STAC: variants seen among roughly 807,000 people sequenced by gnomAD.
STAC encodes the protein SH3 and cysteine-rich domain-containing protein.
Under a neutral mutation model 48.8 loss-of-function variants are expected in STAC, and 43 were observed. That is an observed-to-expected ratio of 0.88 (90% CI 0.69 to 1.14). The LOEUF (loss-of-function observed/expected upper bound fraction) is 1.14. STAC is among the 50% of genes most tolerant of loss of function. The probability of loss-of-function intolerance (pLI) is 0.00; values close to 1 mark genes in which losing one functional copy is unlikely to be tolerated. For synonymous variants in STAC, 193 were observed against 179.5 expected (o/e 1.07, Z -0.60); for missense variants, 497 against 504.0 (o/e 0.99, Z 0.13).
At chr3:36,441,228 C>A (rs1168773785) in intron 1 of STAC, among the ~76,000 whole-genome samples, 2 of 152,034 alleles carry the variant, frequency 1.3e-5, no homozygotes, top group African/African-American at 2.4e-5. Flanking sequence ...AGTAAAAAAT[C>A]TCTCCCTATC....
chr3:36,503,961 C>T (rs941868289), intron 6 of STAC, among the ~76,000 whole-genome samples: 5 of 152,016 alleles, frequency 3.3e-5, no homozygotes, highest in Admixed American at 6.6e-5. Context: ...ATCAAGATAC[C>T]GAATATAGAT....
Position 36,411,407 on chromosome 3 carries a change from C to T in STAC, c.111+30653C>T, listed in dbSNP as rs1039911025. On this transcript the variant is annotated intron_variant, in intron 1 of 10. Transcript: ENST00000273183. ...CTTTATCTGTATCTTCTGCCTCCTC[C>T]TCTCCCTCTCCTAGTCTGCTCCAGT... Among the ~76,000 whole-genome samples, 4 of 152,290 alleles carry T rather than the reference C, an allele frequency of 2.6e-5. No individual in the cohort carries two copies. In the South Asian group the frequency reaches 8.3e-4, roughly 32 times the overall value.
At chr3:36,392,360 G>C (rs1461221043) in intron 1 of STAC, among the ~76,000 whole-genome samples, 1 of 151,536 alleles carries the variant, frequency 6.6e-6, no homozygotes, top group African/African-American at 2.4e-5. Context: ...CTTTTTTTGA[G>C]ACAGGGTCTT....
intron 1 of STAC, among the ~76,000 whole-genome samples, chr3:36,434,919 G>A (rs1228754232): frequency 1.3e-5 from 2 of 152,136 alleles, no homozygotes; most frequent in Non-Finnish European, 2.9e-5. Context: ...GCAGGCACCA[G>A]AAAACAAAAC....
At chr3:36,474,028 G>A (rs1697420900) in intron 2 of STAC, among the ~76,000 whole-genome samples, 1 of 152,292 alleles carries the variant, frequency 6.6e-6, no homozygotes, top group Admixed American at 6.5e-5. Context: ...GTAATCACCA[G>A]CTTGGAGGGC....
chr3:36,398,838 G>A (rs1699943289), intron 1 of STAC, among the ~76,000 whole-genome samples: 1 of 152,154 alleles, frequency 6.6e-6, no homozygotes, highest in South Asian at 2.1e-4. Flanking sequence ...AAGGTATTGA[G>A]TTCAGATTTT....
At chr3:36,498,749 T>C (rs550242449) in intron 6 of STAC, among the ~76,000 whole-genome samples, 1 of 152,178 alleles carries the variant, frequency 6.6e-6, no homozygotes, top group South Asian at 2.1e-4. Context: ...CACCAGACCC[T>C]GTCTCAAAAA....
chr3:36,493,313 G>A (rs938195809), intron 6 of STAC, 84 bp downstream of exon 6: 6 of 1,242,554 alleles, frequency 4.8e-6, no homozygotes, highest in Non-Finnish European at 7.0e-6. Context: ...CAGTCCCCTT[G>A]CTTTCTCTGC....
intron 2 of STAC, among the ~76,000 whole-genome samples, chr3:36,467,016 C>A (rs1171824329): frequency 6.6e-6 from 1 of 151,382 alleles, no homozygotes; most frequent in Non-Finnish European, 1.5e-5. Context: ...AAGGTATGTC[C>A]CTTCTATGCT....
chr3:36,477,661 C>T (rs533939212), intron 2 of STAC, among the ~76,000 whole-genome samples: 57 of 152,130 alleles, frequency 3.7e-4, no homozygotes, highest in Non-Finnish European at 6.5e-4. Context: ...ATAAAAGAGC[C>T]CACTGCCTAC....
At chr3:36,514,480 C>G (rs534820577) in intron 8 of STAC, among the ~76,000 whole-genome samples, 4 of 152,142 alleles carry the variant, frequency 2.6e-5, no homozygotes, top group African/African-American at 7.2e-5. Flanking sequence ...TGCCATAGTT[C>G]TCTCAAACAC....
chr3:36,380,913 A>G (rs1699496317), intron 1 of STAC, among the ~76,000 whole-genome samples, 159 bp downstream of exon 1: 1 of 105,252 alleles, frequency 9.5e-6, no homozygotes, highest in Non-Finnish European at 2.4e-5. Context: ...CCCGCTGCTC[A>G]CGATGCTGGA....
At chr3:36,419,708 A>G (rs1700404569) in intron 1 of STAC, among the ~76,000 whole-genome samples, 1 of 152,214 alleles carries the variant, frequency 6.6e-6, no homozygotes, top group African/African-American at 2.4e-5. Flanking sequence ...AGGTCAGGGA[A>G]GAAGAACTGT....
In STAC at chr3:36,546,317, G is replaced by A; in HGVS notation, c.*28G>A. Reference sequence around the variant, plus strand: ...GCTGGCTCCTCCTCCGTTTGCAGTAGGCAAGCTCTGCTGCGATGCCTCTGC... The same window carrying A: ...GCTGGCTCCTCCTCCGTTTGCAGTAAGCAAGCTCTGCTGCGATGCCTCTGC... On this transcript the variant is annotated 3_prime_UTR_variant, in exon 11 of 11. Coordinates refer to ENST00000273183, the MANE Select transcript of STAC (RefSeq NM_003149.3). 1.3e-6 allele frequency: 2 copies of A among 1,595,002 alleles called. No individual in the cohort carries two copies. The highest frequency in any genetic ancestry group is 1.7e-6 in the Non-Finnish European group (2 of 1,162,754).
intron 1 of STAC, among the ~76,000 whole-genome samples, chr3:36,434,214 C>T (rs904922003): frequency 2.6e-5 from 4 of 152,042 alleles, no homozygotes; most frequent in African/African-American, 9.7e-5. Flanking sequence ...GAGCTGGCTT[C>T]GAGAGTCAAT....
intron 6 of STAC, among the ~76,000 whole-genome samples, chr3:36,500,861 T>C (rs961430622): frequency 3.3e-5 from 5 of 152,136 alleles, no homozygotes; most frequent in African/African-American, 9.7e-5. Context: ...GAGGCCAAGG[T>C]TGGAGGACCA....
intron 8 of STAC, among the ~76,000 whole-genome samples, chr3:36,516,296 T>G (rs1698672354): frequency 6.6e-6 from 1 of 152,072 alleles, no homozygotes; most frequent in South Asian, 2.1e-4. Flanking sequence ...TATTTTCCCT[T>G]TGACATAGTG....
chr3:36,504,292 A>G (rs1698346326), intron 6 of STAC, 101 bp from the exon 7 acceptor site: 1 of 1,102,778 alleles, frequency 9.1e-7, no homozygotes, highest in South Asian at 1.4e-5. Flanking sequence ...GTAGTAAAGT[A>G]GAAGCTATGG....
At chr3:36,529,121 C>A in intron 10 of STAC, 136 bp downstream of exon 10, 1 of 922,520 alleles carries the variant, frequency 1.1e-6, no homozygotes, top group Non-Finnish European at 1.5e-6. Flanking sequence ...ATACTTACTC[C>A]AATGATGTCA....
Sources: gnomAD v4.1 joint callset for allele counts (sites outside exome capture counted in the v4.1 genomes callset) on GRCh38, gnomAD v4.1.1 for gene constraint, MANE v1.5 for transcripts, NCBI Gene and HGNC (gene_info 2026-07-23, HGNC 2026-07-21) for gene names.